The following CTNNA2 variants were observed in gnomAD, a reference collection of about 807,000 sequenced individuals.
CTNNA2 encodes the protein catenin alpha-2.
In CTNNA2, 42 loss-of-function variants were observed where a neutral mutation model predicts 101.0. The observed-to-expected ratio is 0.42, with a 90% CI of 0.32 to 0.54. The LOEUF (loss-of-function observed/expected upper bound fraction) is 0.54, where lower values mean the gene tolerates loss of function less well. Ranked by LOEUF, CTNNA2 falls within the 20% of genes least tolerant of loss-of-function variation. CTNNA2 has a pLI of 0.14. For missense variants in CTNNA2, 871 were observed against 1,223.1 expected (o/e 0.71, Z 4.29); for synonymous variants, 450 against 456.4 (o/e 0.99, Z 0.18).
At chr2:80,364,748 A>G (rs1674758559) in intron 7 of CTNNA2, among the ~76,000 whole-genome samples, 2 of 152,116 alleles carry the variant, frequency 1.3e-5, no homozygotes, top group South Asian at 4.1e-4. Context: ...AAGCCTGCAG[A>G]GAATCCTTTT....
At chr2:79,879,898 G>T (rs1004715820) in intron 6 of CTNNA2, among the ~76,000 whole-genome samples, 2 of 152,048 alleles carry the variant, frequency 1.3e-5, no homozygotes, top group African/African-American at 4.8e-5. Context: ...TTATGTATTG[G>T]TTTCCAAAGG....
chr2:80,409,966 G>A (rs549178733), intron 8 of CTNNA2, among the ~76,000 whole-genome samples: 6 of 152,274 alleles, frequency 3.9e-5, no homozygotes, highest in African/African-American at 9.6e-5. Flanking sequence ...GAATTGCAGA[G>A]GTGTTTTTCA....
chr2:80,163,178 T>G, intron 7 of CTNNA2: 1 of 1,369,492 alleles, frequency 7.3e-7, no homozygotes, highest in Non-Finnish European at 1.0e-6. Flanking sequence ...AAGGAGCTCC[T>G]CGGTCACTTT....
chr2:79,648,092 A>G (rs188640735), intron 1 of CTNNA2, among the ~76,000 whole-genome samples: 3 of 152,200 alleles, frequency 2.0e-5, no homozygotes, highest in Non-Finnish European at 2.9e-5. Flanking sequence ...GGAAATGACT[A>G]TTTACTGAAA....
At chr2:80,616,747 C>A (rs1051679987) in intron 17 of CTNNA2, among the ~76,000 whole-genome samples, 2 of 151,624 alleles carry the variant, frequency 1.3e-5, no homozygotes, top group Admixed American at 1.3e-4. Flanking sequence ...GAGGCTAGAT[C>A]CTGAGATTTG....
At chr2:79,441,675 C>A (rs1408986350) in intron 4 of CTNNA2, among the ~76,000 whole-genome samples, 1 of 152,168 alleles carries the variant, frequency 6.6e-6, no homozygotes, top group Non-Finnish European at 1.5e-5. Flanking sequence ...CCATTCTCTA[C>A]ACAAACAATG....
intron 4 of CTNNA2, among the ~76,000 whole-genome samples, chr2:79,455,771 G>T (rs114933908): frequency 0.012 from 1,826 of 152,214 alleles, 27 homozygotes; most frequent in African/African-American, 0.042. Flanking sequence ...AGATACACAA[G>T]ATTTTGGAGA....
At chr2:79,895,695 T>TTTTTTTTTTTTTTTTTTTTTTTTTTTCC in intron 6 of CTNNA2, among the ~76,000 whole-genome samples, 1 of 149,058 alleles carries the variant, frequency 6.7e-6, no homozygotes. Context: ...TTTCTTAATT[T>TTTTTTTTTTTTTTTTTTTTTTTTTTTCC]TTTTTTTTTT....
intron 7 of CTNNA2, among the ~76,000 whole-genome samples, chr2:80,337,975 G>T (rs1217348049): frequency 6.7e-6 from 1 of 149,304 alleles, no homozygotes; most frequent in Non-Finnish European, 1.5e-5. Context: ...AAATCAGAAA[G>T]GGAATGTAGT....
intron 1 of CTNNA2, among the ~76,000 whole-genome samples, chr2:79,606,262 G>A (rs1677882084): frequency 6.6e-6 from 1 of 152,018 alleles, no homozygotes; most frequent in Non-Finnish European, 1.5e-5. Flanking sequence ...AAAATATTGA[G>A]TGTTTTTTTG....
intron 4 of CTNNA2, among the ~76,000 whole-genome samples, chr2:79,461,605 C>T (rs961160721): frequency 3.3e-5 from 5 of 152,130 alleles, no homozygotes; most frequent in African/African-American, 1.2e-4. Context: ...TAACCAAGAG[C>T]TGGGCAGGCA....
At chr2:80,047,615 G>A (rs981321586) in intron 7 of CTNNA2, among the ~76,000 whole-genome samples, 1 of 152,128 alleles carries the variant, frequency 6.6e-6, no homozygotes, top group African/African-American at 2.4e-5. Context: ...GTCTGCCCAT[G>A]ACCTTCATGA....
At chr2:79,200,280 A>T (rs1349028071) in intron 2 of CTNNA2, among the ~76,000 whole-genome samples, 1 of 152,006 alleles carries the variant, frequency 6.6e-6, no homozygotes, top group Non-Finnish European at 1.5e-5. Context: ...GCTACTCTGG[A>T]GGCTGAGGCA....
At chr2:79,687,594 T>C (rs1684021343) in intron 2 of CTNNA2, 1 of 706,742 alleles carries the variant, frequency 1.4e-6, no homozygotes, top group Admixed American at 2.1e-5. Context: ...ATATTTCAAA[T>C]GAAAATCACA....
intron 2 of CTNNA2, among the ~76,000 whole-genome samples, chr2:79,300,114 TTCATACAGTAA>T (rs1367636603): frequency 1.3e-5 from 2 of 152,266 alleles, no homozygotes; most frequent in East Asian, 1.9e-4. Flanking sequence ...ATCATACAGA[TTCATACAGTAA>T]TCATACAGAA....
chr2:79,769,881 T>C (rs1223795268), intron 3 of CTNNA2, among the ~76,000 whole-genome samples: 1 of 152,226 alleles, frequency 6.6e-6, no homozygotes, highest in African/African-American at 2.4e-5. Flanking sequence ...TAAAAATAGT[T>C]TATATCTGTG....
At chr2:80,406,780 T>C (rs1679103316) in intron 8 of CTNNA2, among the ~76,000 whole-genome samples, 1 of 145,276 alleles carries the variant, frequency 6.9e-6, no homozygotes, top group Non-Finnish European at 1.5e-5. Context: ...TGAGCCAAGA[T>C]TGGGCCACTG....
intron 7 of CTNNA2, among the ~76,000 whole-genome samples, chr2:80,065,377 T>C (rs1337614397): frequency 6.9e-6 from 1 of 145,510 alleles, no homozygotes; most frequent in Non-Finnish European, 1.5e-5. Context: ...TTTTTTTTTT[T>C]GAGATGGAGT....
At chr2:80,362,900 G>A (rs982011275) in intron 7 of CTNNA2, among the ~76,000 whole-genome samples, 4 of 151,528 alleles carry the variant, frequency 2.6e-5, no homozygotes, top group Non-Finnish European at 5.9e-5. Flanking sequence ...CAGGAGGATT[G>A]CTTCAGTCCA....
Sources: gnomAD v4.1 joint callset for allele counts (sites outside exome capture counted in the v4.1 genomes callset) on GRCh38, gnomAD v4.1.1 for gene constraint, MANE v1.5 for transcripts, NCBI Gene and HGNC (gene_info 2026-07-23, HGNC 2026-07-21) for gene names.